Variants in TTC13 observed in about 807,000 individuals in gnomAD.
TTC13 encodes the protein tetratricopeptide repeat domain 13.
In TTC13, 62 loss-of-function variants were observed where a neutral mutation model predicts 120.0. That is an observed-to-expected ratio of 0.52 (90% CI 0.42 to 0.64). The LOEUF is 0.64. Among genes scored for constraint, TTC13 ranks in the 30% least tolerant of loss-of-function variants. The probability of loss-of-function intolerance (pLI) is 0.00; values close to 1 mark genes in which losing one functional copy is unlikely to be tolerated. For missense variants in TTC13, 824 were observed against 1,050.2 expected (o/e 0.78, Z 2.98); for synonymous variants, 384 against 393.5 (o/e 0.98, Z 0.28).
intron 15 of TTC13, among the ~76,000 whole-genome samples, chr1:230,923,122 G>T (rs1332449027): frequency 1.3e-5 from 2 of 152,060 alleles, no homozygotes; most frequent in Non-Finnish European, 2.9e-5. Context: ...AAGCATTTTA[G>T]AGGTGACACA....
intron 4 of TTC13, among the ~76,000 whole-genome samples, chr1:230,946,092 C>T (rs1428519928): frequency 6.6e-6 from 1 of 152,224 alleles, no homozygotes; most frequent in Admixed American, 6.5e-5. Context: ...AAGGACAAAA[C>T]ATCTGTTGAC....
At chr1:230,932,213 C>T (rs1264144322) in intron 9 of TTC13, among the ~76,000 whole-genome samples, 1 of 151,988 alleles carries the variant, frequency 6.6e-6, no homozygotes, top group Non-Finnish European at 1.5e-5. Context: ...TAGAAACACA[C>T]TTTTCCCATT....
At chr1:230,920,017 C>T (rs144623214) in intron 17 of TTC13, among the ~76,000 whole-genome samples, 96 of 152,306 alleles carry the variant, frequency 6.3e-4, no homozygotes, top group African/African-American at 2.2e-3. Flanking sequence ...CTCTGCTCTG[C>T]AAATTCCAGC....
At chr1:230,916,937 A>G (rs1193901177) in intron 17 of TTC13, among the ~76,000 whole-genome samples, 1 of 152,250 alleles carries the variant, frequency 6.6e-6, no homozygotes, top group Admixed American at 6.5e-5. Flanking sequence ...TGCAATGGCA[A>G]TAAATAGGTT....
At chr1:230,919,181 T>TTATGTTTG (rs1672331952) in intron 17 of TTC13, among the ~76,000 whole-genome samples, 1 of 152,158 alleles carries the variant, frequency 6.6e-6, no homozygotes, top group South Asian at 2.1e-4. Flanking sequence ...GTATCTAGCT[T>TTATGTTTG]TTTGTTTGTT....
chr1:230,907,118 T>G (rs984849535), intron 22 of TTC13, 99 bp from the exon 23 acceptor site: 4 of 469,298 alleles, frequency 8.5e-6, no homozygotes, highest in African/African-American at 8.2e-5. Flanking sequence ...TTTATTATAT[T>G]CATGTTGTAA....
At chr1:230,928,836 C>T (rs1673277721) in intron 12 of TTC13, 101 bp downstream of exon 12, 1 of 1,310,784 alleles carries the variant, frequency 7.6e-7, no homozygotes, top group Non-Finnish European at 1.1e-6. Flanking sequence ...GGCAATTCTA[C>T]CTCACCCTCC....
At chr1:230,963,968 A>G (rs1388031273) in intron 1 of TTC13, among the ~76,000 whole-genome samples, 1 of 152,204 alleles carries the variant, frequency 6.6e-6, no homozygotes, top group Non-Finnish European at 1.5e-5. Flanking sequence ...TAATGACTCA[A>G]TGAAAGATAT....
intron 18 of TTC13, among the ~76,000 whole-genome samples, chr1:230,913,806 G>A (rs921803979): frequency 2.0e-5 from 3 of 152,226 alleles, no homozygotes; most frequent in African/African-American, 7.2e-5. Flanking sequence ...CCAGACATTG[G>A]AAAGCAGGGG....
At chr1:230,920,476 A>G (rs1384634250) in intron 17 of TTC13, 34 bp downstream of exon 17, 1 of 1,496,334 alleles carries the variant, frequency 6.7e-7, no homozygotes, top group Non-Finnish European at 9.3e-7. Flanking sequence ...TTTTCCTCTA[A>G]AAACATGGAC....
At chr1:230,969,564 T>C (rs1219768437) in intron 1 of TTC13, among the ~76,000 whole-genome samples, 1 of 152,228 alleles carries the variant, frequency 6.6e-6, no homozygotes, top group African/African-American at 2.4e-5. Context: ...TTAAGCAGTA[T>C]TTTCAAAGAA....
chr1:230,937,813 C>T (rs1482080465), intron 8 of TTC13, among the ~76,000 whole-genome samples: 1 of 152,306 alleles, frequency 6.6e-6, no homozygotes, highest in African/African-American at 2.4e-5. Context: ...TTTATTGAAT[C>T]CTCACGATCA....
rs1211676247 is a variant in TTC13, at chr1:230,944,883, C to T, written c.579+506G>A. 6.6e-6 allele frequency among the ~76,000 whole-genome samples: 1 copy of T among 152,032 alleles called. No individual in the cohort carries two copies. ...GAGTCTTCATTTTTATACCATAGTA[C>T]CTTTGTTTGTGTAAAATATGATTAT... On this transcript the variant is annotated intron_variant, in intron 5 of 22. Transcript: ENST00000366661. The surrounding 1 kb of genome is among the most constrained non-coding windows in gnomAD (Gnocchi z 4.0).
At chr1:230,977,322 T>C (rs983938279) in intron 1 of TTC13, among the ~76,000 whole-genome samples, 1 of 152,110 alleles carries the variant, frequency 6.6e-6, no homozygotes, top group Non-Finnish European at 1.5e-5. Flanking sequence ...CACAATTAGG[T>C]GAACAGTGTT....
rs1041957743 is a variant in TTC13 at position 230,940,686 on chromosome 1, A to AC, written c.673-131dup. ...TACTCTCAGCAGGCTGCAATCCTTG[A>AC]CCCCCTATATTATGCGGTGGGGTTC... On this transcript the variant is annotated intron_variant, in intron 6 of 22. Coordinates refer to ENST00000366661, the MANE Select transcript of TTC13 (RefSeq NM_024525.5). This position sits in a 1 kb window ranked among gnomAD's most constrained non-coding sequence, Gnocchi z 4.1. 1.2e-5 allele frequency: 8 copies of AC among 649,658 alleles called. No homozygotes were observed. Among genetic ancestry groups the AC allele is most frequent in the Non-Finnish European group, 1.9e-5 (7 of 363,290 alleles). The allele number at this position is 649,658 out of a possible 1,614,324, so 40.2% of individuals were successfully genotyped here. A position where few individuals can be genotyped will look rare whatever the true frequency, so the allele number is the denominator to read the frequency against.
At chr1:230,953,629 G>C (rs1280278033) in intron 4 of TTC13, among the ~76,000 whole-genome samples, 1 of 152,146 alleles carries the variant, frequency 6.6e-6, no homozygotes, top group African/African-American at 2.4e-5. Flanking sequence ...GGCATCTCTA[G>C]CTCTAAAATC....
chr1:230,949,121 G>A (rs1675287761), intron 4 of TTC13, among the ~76,000 whole-genome samples: 1 of 151,972 alleles, frequency 6.6e-6, no homozygotes, highest in South Asian at 2.1e-4. Flanking sequence ...GCAAAGTCAT[G>A]CTATTCTTGC....
At chr1:230,946,708 T>C (rs16853414) in intron 4 of TTC13, among the ~76,000 whole-genome samples, 66,519 of 152,046 alleles carry the variant, frequency 0.44, 16,053 homozygotes, top group East Asian at 0.58. Context: ...GCTGTCTCTA[T>C]AGATGAGAGG....
At chr1:230,961,863 T>TA (rs1038580769) in intron 1 of TTC13, among the ~76,000 whole-genome samples, 12 of 151,886 alleles carry the variant, frequency 7.9e-5, no homozygotes, top group Non-Finnish European at 1.6e-4. Context: ...TACCATAGAT[T>TA]AAAAAAAATC....
Sources: allele counts gnomAD v4.1 joint callset (sites outside exome capture counted in the v4.1 genomes callset), GRCh38; gene constraint gnomAD v4.1.1; non-coding constraint Gnocchi (gnomAD v3.1); transcripts MANE v1.5; gene names NCBI Gene and HGNC (gene_info 2026-07-23, HGNC 2026-07-21).